TNIK: variants seen among roughly 807,000 people sequenced by gnomAD.
The protein encoded by TNIK is TRAF2 and NCK-interacting protein kinase.
In TNIK, 49 loss-of-function variants were observed where a neutral mutation model predicts 191.3. That is an observed-to-expected ratio of 0.26 (90% confidence interval 0.20 to 0.32). The LOEUF is 0.32. Among genes scored for constraint, TNIK ranks in the 10% least tolerant of loss-of-function variants. The probability of loss-of-function intolerance (pLI) is 1.00; values close to 1 mark genes in which losing one functional copy is unlikely to be tolerated. For synonymous variants in TNIK, 594 were observed against 600.9 expected (o/e 0.99, Z 0.17); for missense variants, 1,155 against 1,702.3 (o/e 0.68, Z 5.66).
intron 2 of TNIK, among the ~76,000 whole-genome samples, chr3:171,302,243 G>A (rs1752965275): frequency 6.6e-6 from 1 of 152,156 alleles, no homozygotes; most frequent in Non-Finnish European, 1.5e-5. Context: ...TCTGATAGGG[G>A]TCAGGCCTCA....
intron 15 of TNIK, among the ~76,000 whole-genome samples, chr3:171,130,314 C>A (rs1344871872): frequency 6.6e-6 from 1 of 152,068 alleles, no homozygotes; most frequent in African/African-American, 2.4e-5. Flanking sequence ...GAAAAACAGC[C>A]CTCCTGCCTC....
At chr3:171,188,591 T>C in intron 7 of TNIK, 111 bp downstream of exon 7, 1 of 1,352,822 alleles carries the variant, frequency 7.4e-7, no homozygotes, top group Non-Finnish European at 9.8e-7. Flanking sequence ...ATAATGTTTT[T>C]CAGTTCTCCC....
intron 2 of TNIK, among the ~76,000 whole-genome samples, chr3:171,356,266 G>A (rs560727166): frequency 1.1e-4 from 16 of 152,002 alleles, no homozygotes; most frequent in Non-Finnish European, 1.8e-4. Context: ...TCTGAGAAAC[G>A]AGGCAACCAA....
chr3:171,129,015 CTG>C (rs1262302594), intron 15 of TNIK, 137 bp from the exon 16 acceptor site: 2 of 1,340,260 alleles, frequency 1.5e-6, no homozygotes, highest in Admixed American at 2.9e-5. Flanking sequence ...AGACAAAACT[CTG>C]TGCTGCATCA....
At chr3:171,072,175 A>G (rs549070266) in intron 28 of TNIK, among the ~76,000 whole-genome samples, 1 of 152,282 alleles carries the variant, frequency 6.6e-6, no homozygotes, top group South Asian at 2.1e-4. Context: ...TGTGGATTCT[A>G]ATTCTTAGAG....
intron 2 of TNIK, among the ~76,000 whole-genome samples, chr3:171,287,992 A>G (rs543526696): frequency 6.6e-6 from 1 of 151,052 alleles, no homozygotes; most frequent in Admixed American, 6.6e-5. Context: ...GCAGCCATAA[A>G]AAATGATGAG....
At chr3:171,109,643 T>G (rs952864747) in intron 19 of TNIK, among the ~76,000 whole-genome samples, 15 of 152,178 alleles carry the variant, frequency 9.9e-5, no homozygotes, top group African/African-American at 3.6e-4. Flanking sequence ...ACAGAGAAAC[T>G]TATAAGTATG....
chr3:171,440,750 T>C (rs111649051), intron 1 of TNIK, among the ~76,000 whole-genome samples: 3,684 of 152,262 alleles, frequency 0.024, 155 homozygotes, highest in African/African-American at 0.085. Flanking sequence ...AAATAATTTG[T>C]TAACAAATGA....
At chr3:171,280,485 G>A (rs2109249986) in intron 2 of TNIK, among the ~76,000 whole-genome samples, 1 of 152,254 alleles carries the variant, frequency 6.6e-6, no homozygotes, top group East Asian at 1.9e-4. Flanking sequence ...GTGATGTAAG[G>A]AAATGTGCTA....
chr3:171,086,019 C>G (rs543926292), intron 24 of TNIK, among the ~76,000 whole-genome samples: 1 of 152,154 alleles, frequency 6.6e-6, no homozygotes. Flanking sequence ...TTGAGTTTTG[C>G]TGAATAAGCT....
chr3:171,347,209 G>C (rs1317673307), intron 2 of TNIK: 5 of 1,514,904 alleles, frequency 3.3e-6, no homozygotes, highest in Non-Finnish European at 4.4e-6. Flanking sequence ...TTCACTCACT[G>C]GTTCATTTGC....
intron 18 of TNIK, among the ~76,000 whole-genome samples, chr3:171,112,220 G>C (rs890849278): frequency 1.3e-5 from 2 of 152,032 alleles, no homozygotes; most frequent in African/African-American, 4.8e-5. Flanking sequence ...GTAAAGCTAG[G>C]GGGGACAAAA....
intron 1 of TNIK, among the ~76,000 whole-genome samples, chr3:171,395,755 T>C (rs895941472): frequency 3.3e-5 from 5 of 152,280 alleles, no homozygotes; most frequent in East Asian, 1.9e-4. Flanking sequence ...TAATAATAAA[T>C]TGAACGGAGT....
intron 2 of TNIK, among the ~76,000 whole-genome samples, chr3:171,241,510 T>C (rs1418231505): frequency 6.6e-6 from 1 of 152,230 alleles, no homozygotes; most frequent in Non-Finnish European, 1.5e-5. Context: ...AAAATTCTAT[T>C]TAAATTCTCT....
intron 4 of TNIK, 128 bp downstream of exon 4, chr3:171,210,988 A>T: frequency 8.5e-7 from 1 of 1,178,054 alleles, no homozygotes; most frequent in Non-Finnish European, 1.2e-6. Flanking sequence ...ACAATATGTT[A>T]CGGACATCAT....
intron 2 of TNIK, among the ~76,000 whole-genome samples, chr3:171,259,885 TG>T (rs1747374055): frequency 6.6e-6 from 1 of 152,176 alleles, no homozygotes; most frequent in African/African-American, 2.4e-5. Context: ...GGTATTAATC[TG>T]TAGTGCAGAG....
intron 11 of TNIK, among the ~76,000 whole-genome samples, chr3:171,158,987 G>C (rs934777338): frequency 6.6e-6 from 1 of 152,188 alleles, no homozygotes; most frequent in Non-Finnish European, 1.5e-5. Flanking sequence ...GTGAATGAGA[G>C]GGAGAAGGGT....
chr3:171,242,698 A>G (rs1745132114), intron 2 of TNIK, among the ~76,000 whole-genome samples: 1 of 152,172 alleles, frequency 6.6e-6, no homozygotes, highest in Non-Finnish European at 1.5e-5. Context: ...GGAACTCTTA[A>G]CCAGAAAATC....
intron 28 of TNIK, among the ~76,000 whole-genome samples, chr3:171,071,659 G>T (rs537181352): frequency 1.3e-5 from 2 of 152,236 alleles, no homozygotes; most frequent in South Asian, 4.1e-4. Context: ...ATGTTAGCTT[G>T]CCTGGCTTTT....
Sources: gnomAD v4.1 joint callset for allele counts (sites outside exome capture counted in the v4.1 genomes callset) on GRCh38, gnomAD v4.1.1 for gene constraint, MANE v1.5 for transcripts, NCBI Gene and HGNC (gene_info 2026-07-23, HGNC 2026-07-21) for gene names.